The following ASPRV1 variants were observed in gnomAD, a reference collection of about 807,000 sequenced individuals.
The protein encoded by ASPRV1 is aspartic peptidase retroviral like 1, also known as retroviral-like aspartic protease 1.
A neutral mutation model predicts 11.0 loss-of-function variants in ASPRV1; 7 were observed. The observed-to-expected ratio is 0.64, with a 90% CI of 0.36 to 1.20. The LOEUF (loss-of-function observed/expected upper bound fraction) is 1.20, where lower values mean the gene tolerates loss of function less well. Ranked by LOEUF, ASPRV1 falls within the 50% of genes most tolerant of loss-of-function variation. The probability of loss-of-function intolerance (pLI) is 0.02; values close to 1 mark genes in which losing one functional copy is unlikely to be tolerated. For synonymous variants in ASPRV1, 136 were observed against 138.4 expected, an observed-to-expected ratio of 0.98 and a Z score of 0.12; for missense variants, 299 against 320.0, an observed-to-expected ratio of 0.93 and a Z score of 0.50.
At chr2:69,944,919 CTTAT>C in the ASPRV1 span, among the ~76,000 whole-genome samples, 4 of 152,142 alleles carry the variant, frequency 2.6e-5, 1 homozygote, top group Admixed American at 6.5e-5. Flanking sequence ...CGTGACATCA[CTTAT>C]TTATTCAACC....
At chr2:69,950,050 A>G in the ASPRV1 span, among the ~76,000 whole-genome samples, 1 of 152,330 alleles carries the variant, frequency 6.6e-6, no homozygotes, top group Middle Eastern at 3.4e-3. Flanking sequence ...TCCTGACCTC[A>G]GGTGATCCAC....
chr2:69,977,317 C>T, the ASPRV1 span, among the ~76,000 whole-genome samples: 1 of 152,172 alleles, frequency 6.6e-6, no homozygotes. Context: ...AAGTAAACAA[C>T]ATAAAGGCAC....
downstream of ASPRV1, among the ~76,000 whole-genome samples, chr2:69,955,643 C>T (rs563049986): frequency 3.9e-5 from 6 of 152,300 alleles, no homozygotes; most frequent in South Asian, 2.1e-4. Context: ...GGGAAGGTTA[C>T]GATCCTTTTG....
At chr2:69,998,273 T>G in the ASPRV1 span, 1 of 152,092 alleles carries the variant, frequency 6.6e-6, no homozygotes, top group Non-Finnish European at 1.5e-5. Context: ...ATGTAAAAAT[T>G]CACTGAGATG....
At chr2:70,037,548 G>A in the ASPRV1 span, among the ~76,000 whole-genome samples, 13 of 152,276 alleles carry the variant, frequency 8.5e-5, no homozygotes, top group South Asian at 6.2e-4. Flanking sequence ...GAGGCACTGC[G>A]CCTGGCTGAA....
chr2:70,012,162 T>TC, the ASPRV1 span: 3 of 151,574 alleles, frequency 2.0e-5, no homozygotes, highest in African/African-American at 4.9e-5. Flanking sequence ...AACATCATTT[T>TC]TTTTTTTTTT....
the ASPRV1 span, among the ~76,000 whole-genome samples, chr2:69,997,516 C>G: frequency 6.6e-6 from 1 of 152,204 alleles, no homozygotes; most frequent in Non-Finnish European, 1.5e-5. Context: ...CCTCCTTCCT[C>G]CCTCCCCTGT....
the ASPRV1 span, among the ~76,000 whole-genome samples, chr2:70,014,812 A>G: frequency 2.4e-4 from 36 of 151,392 alleles, no homozygotes; most frequent in East Asian, 9.7e-4. Flanking sequence ...AAAAAAAAAA[A>G]AAAAAAGAAA....
At chr2:69,964,625 A>C, upstream of ASPRV1, 1 of 256,748 alleles carries the variant, frequency 3.9e-6, no homozygotes, top group South Asian at 4.0e-5. Flanking sequence ...TTAATTATTG[A>C]CAAGTATAGG....
chr2:70,034,692 A>AC, the ASPRV1 span, among the ~76,000 whole-genome samples: 3 of 152,100 alleles, frequency 2.0e-5, no homozygotes, highest in African/African-American at 7.2e-5. Flanking sequence ...CTCCAATATA[A>AC]CTGTTAGATC....
chr2:70,020,887 GGT>G, the ASPRV1 span, among the ~76,000 whole-genome samples: 2 of 152,088 alleles, frequency 1.3e-5, no homozygotes, highest in Non-Finnish European at 2.9e-5. Context: ...ATTTCATATG[GGT>G]AGTTTCAATT....
At chr2:70,041,060 G>A in the ASPRV1 span, among the ~76,000 whole-genome samples, 13 of 152,158 alleles carry the variant, frequency 8.5e-5, no homozygotes, top group Non-Finnish European at 1.8e-4. Flanking sequence ...GCTTGTCTAC[G>A]GAGAATGCTG....
the ASPRV1 span, among the ~76,000 whole-genome samples, chr2:70,020,966 C>A: frequency 3.3e-5 from 5 of 152,160 alleles, no homozygotes; most frequent in African/African-American, 1.2e-4. Flanking sequence ...GTACTCAATA[C>A]TACTGAACAG....
At chr2:70,024,828 C>A in the ASPRV1 span, among the ~76,000 whole-genome samples, 1 of 152,084 alleles carries the variant, frequency 6.6e-6, no homozygotes, top group Admixed American at 6.6e-5. Flanking sequence ...AAGGCCTAAC[C>A]CTCAGCCTGT....
the ASPRV1 span, chr2:70,086,009 C>T: frequency 6.6e-6 from 1 of 152,212 alleles, no homozygotes; most frequent in African/African-American, 2.4e-5. Context: ...CCCCTATTAT[C>T]CACTATTAAG....
the ASPRV1 span, among the ~76,000 whole-genome samples, chr2:69,981,897 C>T: frequency 6.6e-6 from 1 of 152,158 alleles, no homozygotes; most frequent in East Asian, 1.9e-4. Context: ...GTTGGTAGAG[C>T]CCAGTTGCCT....
At chr2:70,025,339 C>G in the ASPRV1 span, among the ~76,000 whole-genome samples, 1 of 152,020 alleles carries the variant, frequency 6.6e-6, no homozygotes, top group Non-Finnish European at 1.5e-5. Context: ...AGGAGAACCA[C>G]TTGATCTCAG....
the ASPRV1 span, chr2:70,073,326 A>C: frequency 2.0e-5 from 3 of 152,286 alleles, no homozygotes; most frequent in East Asian, 1.9e-4. Context: ...CCACTAATAA[A>C]TAACTAAGAA....
the ASPRV1 span, among the ~76,000 whole-genome samples, chr2:70,038,877 G>A: frequency 3.3e-5 from 5 of 152,128 alleles, no homozygotes; most frequent in Middle Eastern, 3.4e-3. Flanking sequence ...TTGGGAGTTC[G>A]AGACCAGCCT....
Sources: gnomAD v4.1 joint callset for allele counts (sites outside exome capture counted in the v4.1 genomes callset) on GRCh38, gnomAD v4.1.1 for gene constraint, MANE v1.5 for transcripts, NCBI Gene and HGNC (gene_info 2026-07-23, HGNC 2026-07-21) for gene names.